Variants in MLLT3 observed in about 807,000 individuals in gnomAD.
MLLT3 encodes the protein MLLT3 super elongation complex subunit.
Under a neutral mutation model 53.2 loss-of-function variants are expected in MLLT3, and 4 were observed. That is an observed-to-expected ratio of 0.08 (90% CI 0.04 to 0.17). The LOEUF (loss-of-function observed/expected upper bound fraction) is 0.17. MLLT3 is among the 10% of genes least tolerant of loss of function. The probability of loss-of-function intolerance (pLI) is 1.00; values close to 1 mark genes in which losing one functional copy is unlikely to be tolerated. For synonymous variants in MLLT3, 283 were observed against 230.6 expected (o/e 1.23, Z -2.06); for missense variants, 569 against 684.0 (o/e 0.83, Z 1.87).
intron 2 of MLLT3, among the ~76,000 whole-genome samples, chr9:20,541,564 T>G (rs1818631023): frequency 1.3e-5 from 2 of 152,094 alleles, no homozygotes; most frequent in Non-Finnish European, 2.9e-5. Flanking sequence ...TTTTAAAACT[T>G]CAGATCTCAT....
chr9:20,451,526 T>G (rs957326816), intron 3 of MLLT3, among the ~76,000 whole-genome samples: 1 of 152,160 alleles, frequency 6.6e-6, no homozygotes, highest in African/African-American at 2.4e-5. Flanking sequence ...ATGATTTTTT[T>G]AAAGATTTTT....
intron 2 of MLLT3, among the ~76,000 whole-genome samples, chr9:20,462,247 C>T (rs1824127926): frequency 1.3e-5 from 2 of 152,178 alleles, no homozygotes; most frequent in South Asian, 2.1e-4. Flanking sequence ...TTATTCATCC[C>T]ACTTCAAAAC....
chr9:20,479,569 G>A (rs531537346), intron 2 of MLLT3, among the ~76,000 whole-genome samples: 2 of 152,048 alleles, frequency 1.3e-5, no homozygotes, highest in African/African-American at 4.8e-5. Flanking sequence ...AGAGAAGTTG[G>A]GTACTATGGT....
At chr9:20,498,118 G>T (rs1426916013) in intron 2 of MLLT3, among the ~76,000 whole-genome samples, 1 of 151,364 alleles carries the variant, frequency 6.6e-6, no homozygotes, top group East Asian at 1.9e-4. Flanking sequence ...AGCAACTCAG[G>T]AGGCTGACGC....
chr9:20,573,911 T>C (rs1173142161), intron 2 of MLLT3, among the ~76,000 whole-genome samples: 1 of 152,190 alleles, frequency 6.6e-6, no homozygotes, highest in Non-Finnish European at 1.5e-5. Flanking sequence ...TGCTCAAAAA[T>C]AAAATTCTGT....
intron 4 of MLLT3, among the ~76,000 whole-genome samples, chr9:20,447,031 C>A (rs1477468698): frequency 6.6e-6 from 1 of 152,042 alleles, no homozygotes; most frequent in African/African-American, 2.4e-5. Context: ...AGGACAGCAG[C>A]CTAGCAAAAC....
At chr9:20,585,270 CAACTGACAAA>C (rs1364131157) in intron 2 of MLLT3, among the ~76,000 whole-genome samples, 2 of 152,130 alleles carry the variant, frequency 1.3e-5, no homozygotes, top group African/African-American at 4.8e-5. Context: ...TCTTATTTTT[CAACTGACAAA>C]AACTGTACAT....
At chr9:20,498,312 C>G (rs995238484) in intron 2 of MLLT3, among the ~76,000 whole-genome samples, 1 of 131,306 alleles carries the variant, frequency 7.6e-6, no homozygotes, top group Non-Finnish European at 1.6e-5. Context: ...TGTGGTCAGT[C>G]TTTTAAATTT....
intron 4 of MLLT3, among the ~76,000 whole-genome samples, chr9:20,421,164 T>C (rs975204304): frequency 6.6e-6 from 1 of 152,110 alleles, no homozygotes; most frequent in East Asian, 1.9e-4. Context: ...TTTGGGAGGC[T>C]GAGGCAGGAA....
At chr9:20,593,298 C>T (rs1325657659) in intron 2 of MLLT3, among the ~76,000 whole-genome samples, 1 of 152,120 alleles carries the variant, frequency 6.6e-6, no homozygotes, top group Non-Finnish European at 1.5e-5. Flanking sequence ...CTGACAGGCC[C>T]AGAAACCCCA....
At chr9:20,370,030 T>C (rs1457939603) in intron 5 of MLLT3, among the ~76,000 whole-genome samples, 2 of 152,204 alleles carry the variant, frequency 1.3e-5, no homozygotes, top group East Asian at 3.8e-4. Flanking sequence ...ACCAAAAAAA[T>C]GTTTTACTAC....
intron 2 of MLLT3, among the ~76,000 whole-genome samples, chr9:20,586,904 T>C (rs2131180835): frequency 6.6e-6 from 1 of 152,220 alleles, no homozygotes; most frequent in East Asian, 1.9e-4. Flanking sequence ...CTACATCCTT[T>C]ATTTTGTTTT....
At chr9:20,541,978 T>C (rs1363680400) in intron 2 of MLLT3, among the ~76,000 whole-genome samples, 3 of 152,222 alleles carry the variant, frequency 2.0e-5, no homozygotes, top group Admixed American at 6.5e-5. Context: ...ATGTTCATAA[T>C]GGCATCTAGA....
At position 20,345,293 on chromosome 9, in the gene MLLT3, CAAAG is replaced by C. The variant is rs979528251; in HGVS notation, c.*1146_*1149del. On this transcript the variant is annotated 3_prime_UTR_variant, in exon 11 of 11. Transcript: ENST00000380338. ...GGCAGAATAACCAAGAATTTTTCCCCAAAGAAAGATTTTAATTTTTTCAAATATA... is the reference window on the plus strand; with the variant it reads ...GGCAGAATAACCAAGAATTTTTCCCCAAAGATTTTAATTTTTTCAAATATA... 4.7e-5 allele frequency: 10 copies of C among 213,554 alleles called. No homozygotes were observed. Among genetic ancestry groups the C allele is most frequent in the African/African-American group, 1.8e-4 (8 of 44,224 alleles). The allele number at this position is 213,554 out of a possible 1,614,324, so 13.2% of individuals were successfully genotyped here.
intron 2 of MLLT3, among the ~76,000 whole-genome samples, chr9:20,514,495 A>G (rs897210150): frequency 4.6e-5 from 7 of 151,986 alleles, no homozygotes; most frequent in African/African-American, 1.7e-4. Flanking sequence ...TGTACCATAT[A>G]GGGGTTTTTA....
At chr9:20,491,735 C>G (rs1405179308) in intron 2 of MLLT3, among the ~76,000 whole-genome samples, 1 of 152,114 alleles carries the variant, frequency 6.6e-6, no homozygotes, top group Non-Finnish European at 1.5e-5. Flanking sequence ...GGGAGATGAT[C>G]TTTAAATAAC....
At chr9:20,596,783 G>C (rs559300195) in intron 2 of MLLT3, among the ~76,000 whole-genome samples, 1 of 152,278 alleles carries the variant, frequency 6.6e-6, no homozygotes, top group African/African-American at 2.4e-5. Context: ...TGGGTCCCTT[G>C]CAATTACACA....
chr9:20,611,989 A>G (rs1161192005), intron 2 of MLLT3, among the ~76,000 whole-genome samples: 1 of 152,106 alleles, frequency 6.6e-6, no homozygotes, highest in African/African-American at 2.4e-5. Flanking sequence ...AGAGAATTTG[A>G]TTTTGTCTGA....
At chr9:20,426,035 T>C (rs1223389758) in intron 4 of MLLT3, among the ~76,000 whole-genome samples, 1 of 152,048 alleles carries the variant, frequency 6.6e-6, no homozygotes, top group East Asian at 1.9e-4. Flanking sequence ...CTATGACTTG[T>C]TTCAGCTATG....
Sources: allele counts gnomAD v4.1 joint callset (sites outside exome capture counted in the v4.1 genomes callset), GRCh38; gene constraint gnomAD v4.1.1; transcripts MANE v1.5; gene names NCBI Gene and HGNC (gene_info 2026-07-23, HGNC 2026-07-21).